The following ANKIB1 variants were observed in gnomAD, a reference collection of about 807,000 sequenced individuals.
ANKIB1 encodes the protein ankyrin repeat and IBR domain-containing protein 1.
A neutral mutation model predicts 122.1 loss-of-function variants in ANKIB1; 43 were observed. That is an observed-to-expected ratio of 0.35 (90% CI 0.28 to 0.45). ANKIB1 has a LOEUF of 0.45. ANKIB1 is among the 20% of genes least tolerant of loss of function. The pLI is 1.00. For synonymous variants in ANKIB1, 390 were observed against 442.0 expected (o/e 0.88, Z 1.48); for missense variants, 992 against 1,329.5 (o/e 0.75, Z 3.95).
intron 10 of ANKIB1, among the ~76,000 whole-genome samples, chr7:92,366,263 G>A (rs757303073): frequency 6.6e-5 from 10 of 151,996 alleles, no homozygotes; most frequent in Admixed American, 2.6e-4. Flanking sequence ...AGGCAAGTTA[G>A]CATCTCCACA....
chr7:92,249,096 C>A (rs568449872), intron 1 of ANKIB1, among the ~76,000 whole-genome samples: 1 of 152,206 alleles, frequency 6.6e-6, no homozygotes, highest in South Asian at 2.1e-4. Flanking sequence ...CCACGTTGGC[C>A]AGGCTGGTCT....
At chr7:92,361,121 A>AT (rs1282976707) in intron 9 of ANKIB1, among the ~76,000 whole-genome samples, 2 of 152,106 alleles carry the variant, frequency 1.3e-5, no homozygotes, top group African/African-American at 4.8e-5. Flanking sequence ...TCCGAATAAT[A>AT]TTTTTTTATT....
intron 2 of ANKIB1, among the ~76,000 whole-genome samples, chr7:92,301,552 T>G: frequency 6.6e-6 from 1 of 152,192 alleles, no homozygotes; most frequent in East Asian, 1.9e-4. Context: ...TTTTGTGCTA[T>G]TGCATTTTAT....
chr7:92,337,520 T>C (rs969485624), intron 5 of ANKIB1, among the ~76,000 whole-genome samples: 2 of 152,204 alleles, frequency 1.3e-5, no homozygotes, highest in Non-Finnish European at 2.9e-5. Context: ...CAGCTGTTCT[T>C]ATATTCCAGG....
intron 3 of ANKIB1, among the ~76,000 whole-genome samples, chr7:92,314,253 A>G (rs1270324053): frequency 6.6e-6 from 1 of 152,030 alleles, no homozygotes; most frequent in East Asian, 1.9e-4. Flanking sequence ...AGCCGTGATC[A>G]TGCTACTGTA....
In ANKIB1 at chr7:92,246,388, G is replaced by A. The variant is rs1005282936; in HGVS notation, c.-222G>A. 3 of 481,864 alleles carry A rather than the reference G, an allele frequency of 6.2e-6. No homozygotes were observed. The highest frequency in any genetic ancestry group is 8.2e-6 in the Non-Finnish European group (2 of 244,528). The allele number at this position is 481,864 out of a possible 1,614,324, so 29.8% of individuals were successfully genotyped here. ...GTGCACCCGGGCCGGCGAGGAAGGG[G>A]CAACCGTCCGGGTGGGTGGGGCGGG... On this transcript the variant is annotated 5_prime_UTR_variant, in exon 1 of 20. Coordinates refer to ENST00000265742, the MANE Select transcript of ANKIB1 (RefSeq NM_019004.2).
intron 7 of ANKIB1, among the ~76,000 whole-genome samples, chr7:92,347,346 A>G (rs866530897): frequency 6.6e-6 from 1 of 151,958 alleles, no homozygotes. Flanking sequence ...TTGTTAGTGT[A>G]TTTTTTGTGT....
intron 1 of ANKIB1, among the ~76,000 whole-genome samples, chr7:92,275,624 G>A (rs1801886137): frequency 6.6e-6 from 1 of 152,104 alleles, no homozygotes; most frequent in Admixed American, 6.6e-5. Context: ...GAAAAACTGT[G>A]CCAGAAGGAC....
intron 3 of ANKIB1, among the ~76,000 whole-genome samples, chr7:92,311,237 T>C (rs374093323): frequency 1.3e-5 from 2 of 152,298 alleles, no homozygotes; most frequent in East Asian, 3.9e-4. Context: ...TTCATAAAAC[T>C]AAGAGATTAT....
At chr7:92,361,807 C>CT (rs1230987909) in intron 9 of ANKIB1, among the ~76,000 whole-genome samples, 1 of 150,828 alleles carries the variant, frequency 6.6e-6, no homozygotes, top group Non-Finnish European at 1.5e-5. Flanking sequence ...ATACTTTCTA[C>CT]TTTTTTTGTT....
At position 92,398,236 on chromosome 7, in the gene ANKIB1, G is replaced by A. The variant is rs779120360; in HGVS notation, c.2557G>A (p.Asp853Asn). The A allele has an allele frequency of 1.8e-5, 29 of 1,596,512 alleles. No homozygotes were observed. Among genetic ancestry groups the A allele is most frequent in the South Asian group, 3.4e-5 (3 of 88,202 alleles). Residue 853 changes from aspartate to asparagine, a missense_variant, in exon 20 of 20, where the codon GAT becomes AAT. Transcript: ENST00000265742. ...LQALSSLDED[D>N]PNILLAIQLS... ...GGCTCTGAGTTCCTTGGATGAAGAC[G>A]ATCCCAATATACTTCTTGCAATACA... is the stretch of plus-strand genomic sequence containing the variant.
intron 7 of ANKIB1, among the ~76,000 whole-genome samples, chr7:92,345,419 G>A (rs1803518135): frequency 6.6e-6 from 1 of 152,120 alleles, no homozygotes; most frequent in Non-Finnish European, 1.5e-5. Flanking sequence ...GTTTTGTGCT[G>A]TCTCAATTTT....
rs759007170 is a variant in ANKIB1 at position 92,398,582 on chromosome 7, A to G, written c.2903A>G (p.Asn968Ser). 1.9e-6 allele frequency: 3 copies of G among 1,613,878 alleles called. No homozygotes were observed. Among genetic ancestry groups the G allele is most frequent in the East Asian group, 2.2e-5 (1 of 44,874 alleles). Residue 968 changes from asparagine (N) to serine (S), a missense_variant, in exon 20 of 20, where the codon AAT becomes AGT. Around this residue, in one of 4 missense-constraint regions of ANKIB1, gnomAD observed 384 missense variants for 412.0 expected, o/e 0.93. Transcript: ENST00000265742. ...GGCCAGGACCCCAACATCAATGACA[A>G]TCTTCTCGGCAACATCATGGCTTGG... ...SAGQDPNIND[N>S]LLGNIMAWFH...
chr7:92,356,945 G>A (rs932664019), intron 9 of ANKIB1, among the ~76,000 whole-genome samples: 12 of 152,186 alleles, frequency 7.9e-5, no homozygotes, highest in Non-Finnish European at 1.5e-4. Context: ...TCATAAAAAT[G>A]AAGATTTCTA....
intron 1 of ANKIB1, among the ~76,000 whole-genome samples, chr7:92,250,792 T>C (rs1801314903): frequency 6.6e-6 from 1 of 152,248 alleles, no homozygotes; most frequent in Non-Finnish European, 1.5e-5. Context: ...TGTCTAATAC[T>C]TTTTCAGACA....
intron 8 of ANKIB1, among the ~76,000 whole-genome samples, chr7:92,351,662 A>G (rs2131984685): frequency 6.6e-6 from 1 of 151,142 alleles, no homozygotes; most frequent in South Asian, 2.1e-4. Flanking sequence ...TGCTTTGTGC[A>G]GATTTTACTG....
intron 11 of ANKIB1, among the ~76,000 whole-genome samples, chr7:92,375,395 T>G (rs1395959499): frequency 3.3e-5 from 5 of 152,268 alleles, no homozygotes. Flanking sequence ...CTGTCACTGC[T>G]TTGTCAGCTG....
At chr7:92,261,532 G>A (rs1285301963) in intron 1 of ANKIB1, among the ~76,000 whole-genome samples, 1 of 151,940 alleles carries the variant, frequency 6.6e-6, no homozygotes, top group East Asian at 1.9e-4. Flanking sequence ...GTGATATTTT[G>A]GTATGCATTT....
intron 1 of ANKIB1, among the ~76,000 whole-genome samples, chr7:92,254,245 T>C (rs1801389623): frequency 6.6e-6 from 1 of 152,162 alleles, no homozygotes; most frequent in African/African-American, 2.4e-5. Flanking sequence ...ACATACTGTT[T>C]TGAGATACTA....
Sources: gnomAD v4.1 joint callset for allele counts (sites outside exome capture counted in the v4.1 genomes callset) on GRCh38, gnomAD v4.1.1 for gene constraint, gnomAD v4.1.1 regional missense constraint, MANE v1.5 for transcripts, NCBI Gene and HGNC (gene_info 2026-07-23, HGNC 2026-07-21) for gene names.